NEGR1: variants seen among roughly 807,000 people sequenced by gnomAD.
NEGR1 encodes the protein IgLON family member 4.
A neutral mutation model predicts 40.9 loss-of-function variants in NEGR1; 10 were observed. The observed-to-expected ratio is 0.24, with a 90% confidence interval of 0.15 to 0.42. The LOEUF is 0.42. NEGR1 is among the 10% of genes least tolerant of loss of function. The pLI is 1.00. For missense variants in NEGR1, 352 were observed against 438.9 expected, an observed-to-expected ratio of 0.80 and a Z score of 1.77; for synonymous variants, 185 against 166.8, an observed-to-expected ratio of 1.11 and a Z score of -0.84.
chr1:71,888,599 C>T (rs1445458394), intron 2 of NEGR1, among the ~76,000 whole-genome samples: 1 of 145,110 alleles, frequency 6.9e-6, no homozygotes, highest in East Asian at 2.1e-4. Context: ...GCTAGCACAG[C>T]AGTCTGAGAT....
intron 2 of NEGR1, among the ~76,000 whole-genome samples, chr1:71,865,857 T>C (rs1194587970): frequency 6.6e-6 from 1 of 152,194 alleles, no homozygotes; most frequent in Non-Finnish European, 1.5e-5. Flanking sequence ...AGAACTATCC[T>C]TGCTAATAAA....
At chr1:72,015,245 G>A in intron 1 of NEGR1, among the ~76,000 whole-genome samples, 1 of 151,968 alleles carries the variant, frequency 6.6e-6, no homozygotes, top group African/African-American at 2.4e-5. Context: ...CTTATTGCTG[G>A]TGTGATGTTT....
chr1:71,684,856 G>A (rs1454746538), intron 4 of NEGR1, among the ~76,000 whole-genome samples: 1 of 152,102 alleles, frequency 6.6e-6, no homozygotes, highest in Admixed American at 6.6e-5. Context: ...ACTCATGAGG[G>A]AAGATTACTA....
intron 2 of NEGR1, among the ~76,000 whole-genome samples, chr1:71,847,159 T>C (rs1278072985): frequency 6.6e-6 from 1 of 152,146 alleles, no homozygotes; most frequent in Non-Finnish European, 1.5e-5. Context: ...GTCAAGAATA[T>C]TTTATTACAC....
At chr1:72,084,332 T>C (rs2821262) in intron 1 of NEGR1, among the ~76,000 whole-genome samples, 6 of 152,098 alleles carry the variant, frequency 3.9e-5, no homozygotes, top group Non-Finnish European at 7.3e-5. Flanking sequence ...CATTCTCCAC[T>C]TATCAGCATG....
chr1:71,710,370 C>A (rs968367357), intron 3 of NEGR1, among the ~76,000 whole-genome samples: 1 of 152,162 alleles, frequency 6.6e-6, no homozygotes, highest in Non-Finnish European at 1.5e-5. Context: ...AATCCCACTG[C>A]TGGGCATACA....
intron 6 of NEGR1, among the ~76,000 whole-genome samples, chr1:71,562,706 A>G (rs1288872162): frequency 6.6e-6 from 1 of 151,942 alleles, no homozygotes; most frequent in Non-Finnish European, 1.5e-5. Flanking sequence ...TCATTTGTGT[A>G]GGTAAAAGCA....
chr1:72,190,896 C>T (rs1390916573), intron 1 of NEGR1, among the ~76,000 whole-genome samples: 1 of 151,514 alleles, frequency 6.6e-6, no homozygotes, highest in Non-Finnish European at 1.5e-5. Context: ...GTTGAAAGAA[C>T]TTCAACCCAT....
At chr1:71,898,102 G>A (rs1352958687) in intron 2 of NEGR1, among the ~76,000 whole-genome samples, 2 of 152,076 alleles carry the variant, frequency 1.3e-5, no homozygotes, top group African/African-American at 4.8e-5. Flanking sequence ...GAATTACTGC[G>A]AGTCTGTAAA....
chr1:72,107,776 C>A (rs1649195956), intron 1 of NEGR1, among the ~76,000 whole-genome samples: 1 of 150,886 alleles, frequency 6.6e-6, no homozygotes, highest in South Asian at 2.1e-4. Flanking sequence ...CGTACATCCA[C>A]CATGTGTGGT....
chr1:72,055,024 G>A (rs1647097741), intron 1 of NEGR1, among the ~76,000 whole-genome samples: 2 of 151,200 alleles, frequency 1.3e-5, no homozygotes, highest in Non-Finnish European at 3.0e-5. Flanking sequence ...CATCTTCAAA[G>A]CTTTTTCCAA....
intron 5 of NEGR1, among the ~76,000 whole-genome samples, chr1:71,596,206 C>G (rs995968109): frequency 2.0e-5 from 3 of 152,144 alleles, no homozygotes; most frequent in Non-Finnish European, 4.4e-5. Flanking sequence ...GTTATAAGAT[C>G]CTTCTATTTC....
intron 2 of NEGR1, among the ~76,000 whole-genome samples, chr1:71,888,498 G>A (rs566876491): frequency 3.9e-5 from 6 of 151,960 alleles, no homozygotes; most frequent in African/African-American, 1.2e-4. Flanking sequence ...CGAATATTGC[G>A]ATTTTCAGAC....
chr1:71,538,242 A>C (rs1647575882), intron 6 of NEGR1, among the ~76,000 whole-genome samples: 1 of 151,740 alleles, frequency 6.6e-6, no homozygotes. Context: ...TCTATAGACT[A>C]CATTAATGAT....
intron 2 of NEGR1, among the ~76,000 whole-genome samples, chr1:71,913,897 T>A (rs1661494791): frequency 6.6e-6 from 1 of 151,790 alleles, no homozygotes; most frequent in Non-Finnish European, 1.5e-5. Flanking sequence ...CACTCCTTAG[T>A]GTATGCAAGA....
intron 4 of NEGR1, among the ~76,000 whole-genome samples, chr1:71,620,651 A>T (rs1650581292): frequency 6.6e-6 from 1 of 151,974 alleles, no homozygotes; most frequent in South Asian, 2.1e-4. Context: ...GCTAAGATTT[A>T]AAAAAATCAA....
rs185603752 is a variant in NEGR1, at chr1:71,432,029, A to G, written c.941-24459T>C. Among the ~76,000 whole-genome samples, 691 of 152,280 alleles carry G rather than the reference A, an allele frequency of 4.5e-3. 5 individuals carry two copies. The highest frequency in any genetic ancestry group is 0.016 in the African/African-American group (655 of 41,552). ...ATGGCTGAGCAGAGTAGGAGAGTCC[A>G]CTGAGAAAATGATTGTAAGAGATGA... On this transcript the variant is annotated intron_variant, in intron 6 of 6. Transcript: ENST00000357731.
At chr1:72,123,346 A>G (rs1331452637) in intron 1 of NEGR1, among the ~76,000 whole-genome samples, 1 of 151,892 alleles carries the variant, frequency 6.6e-6, no homozygotes, top group African/African-American at 2.4e-5. Context: ...AACATGTAGA[A>G]AGAAAAAAAA....
chr1:72,225,695 G>T (rs1221375392), intron 1 of NEGR1, among the ~76,000 whole-genome samples: 3 of 151,338 alleles, frequency 2.0e-5, no homozygotes, highest in African/African-American at 4.8e-5. Flanking sequence ...ACTGATACCT[G>T]AACTAAATTT....
Sources: allele counts gnomAD v4.1 joint callset (sites outside exome capture counted in the v4.1 genomes callset), GRCh38; gene constraint gnomAD v4.1.1; transcripts MANE v1.5; gene names NCBI Gene and HGNC (gene_info 2026-07-23, HGNC 2026-07-21).